Variants in TRAF3 observed in about 807,000 individuals in gnomAD.
The protein encoded by TRAF3 is TNF receptor-associated factor 3.
A neutral mutation model predicts 62.3 loss-of-function variants in TRAF3; 13 were observed. The ratio of observed to expected loss-of-function variants is 0.21; its 90% CI spans 0.14 to 0.33. TRAF3 has a LOEUF of 0.33. Ranked by LOEUF, TRAF3 falls within the 10% of genes least tolerant of loss-of-function variation. The probability of loss-of-function intolerance (pLI) is 1.00; values close to 1 mark genes in which losing one functional copy is unlikely to be tolerated. For synonymous variants in TRAF3, 269 were observed against 283.4 expected (o/e 0.95, Z 0.51); for missense variants, 440 against 741.8 (o/e 0.59, Z 4.73).
At chr14:102,872,748 A>G (rs896014510) in intron 4 of TRAF3, among the ~76,000 whole-genome samples, 11 of 151,778 alleles carry the variant, frequency 7.2e-5, no homozygotes, top group Non-Finnish European at 1.3e-4. Context: ...CTGGAGCACA[A>G]TGGCACGATC....
chr14:102,884,394 A>G (rs1175684337), intron 6 of TRAF3, among the ~76,000 whole-genome samples: 1 of 152,222 alleles, frequency 6.6e-6, no homozygotes. Context: ...GAGGTTCCAG[A>G]TAGACATGAA....
chr14:102,778,237 C>A (rs1057423422), intron 1 of TRAF3, among the ~76,000 whole-genome samples: 11 of 151,580 alleles, frequency 7.3e-5, no homozygotes, highest in Non-Finnish European at 1.3e-4. Flanking sequence ...CGCGCGGCCG[C>A]CGAGGGCCGG....
intron 1 of TRAF3, among the ~76,000 whole-genome samples, chr14:102,818,037 G>A (rs572933286): frequency 2.2e-4 from 34 of 152,306 alleles, no homozygotes; most frequent in Non-Finnish European, 4.3e-4. Context: ...GCAGTATGGC[G>A]AGCTCGAGAT....
chr14:102,834,719 C>T (rs112556509), intron 2 of TRAF3, among the ~76,000 whole-genome samples: 7,717 of 147,822 alleles, frequency 0.052, 323 homozygotes, highest in African/African-American at 0.11. Flanking sequence ...AAATTGGACC[C>T]CTTCCCTACA....
At chr14:102,858,487 G>A (rs1316987972) in intron 2 of TRAF3, among the ~76,000 whole-genome samples, 2 of 151,736 alleles carry the variant, frequency 1.3e-5, no homozygotes, top group Non-Finnish European at 2.9e-5. Flanking sequence ...AATCTCCAAA[G>A]TTATTAGAAA....
chr14:102,875,530 T>TG (rs1888594431), intron 4 of TRAF3, 94 bp from the exon 5 acceptor site: 1 of 1,059,950 alleles, frequency 9.4e-7, no homozygotes, highest in Non-Finnish European at 1.4e-6. Flanking sequence ...CCTCTCTTGT[T>TG]TTTTTTTTTT....
At chr14:102,813,586 G>A (rs1899333723) in intron 1 of TRAF3, among the ~76,000 whole-genome samples, 1 of 151,848 alleles carries the variant, frequency 6.6e-6, no homozygotes, top group African/African-American at 2.4e-5. Flanking sequence ...GAGTAGCTGG[G>A]ACTACAGGCG....
intron 2 of TRAF3, among the ~76,000 whole-genome samples, chr14:102,844,921 G>A (rs1487974220): frequency 6.6e-5 from 10 of 151,576 alleles, no homozygotes; most frequent in East Asian, 3.9e-4. Flanking sequence ...TTTTTGAGAC[G>A]GAGTCTCGCA....
rs987433307 is a variant in TRAF3, at chr14:102,910,158, G to A, written c.*4374G>A. The A allele has an allele frequency of 1.3e-5, 2 of 152,210 alleles. No individual in the cohort carries two copies. The highest frequency in any genetic ancestry group is 2.9e-5 in the Non-Finnish European group (2 of 68,046). The allele number at this position is 152,210 out of a possible 1,614,324, so 9.4% of individuals were successfully genotyped here. A position where few individuals can be genotyped will look rare whatever the true frequency, so the allele number is the denominator to read the frequency against. On this transcript the variant is annotated 3_prime_UTR_variant, in exon 12 of 12. Coordinates refer to ENST00000392745, the MANE Select transcript of TRAF3 (RefSeq NM_145725.3). Reference sequence around the variant, plus strand: ...TTGGGCGGGTGCAGACTCCCCTTGCGGGCCCCTTGCTCAATCCCCGGCCCT... The same window carrying A: ...TTGGGCGGGTGCAGACTCCCCTTGCAGGCCCCTTGCTCAATCCCCGGCCCT...
chr14:102,900,179 G>GAAAAAAAAAAAAAAAA (rs1566807952), intron 10 of TRAF3, among the ~76,000 whole-genome samples: 1 of 83,746 alleles, frequency 1.2e-5, no homozygotes, highest in African/African-American at 5.2e-5. Context: ...ACTCCGTCTC[G>GAAAAAAAAAAAAAAAA]GAAAAAAAAA....
intron 2 of TRAF3, 74 bp downstream of exon 2, chr14:102,830,546 G>A (rs190562754): frequency 2.2e-3 from 332 of 152,280 alleles, no homozygotes; most frequent in African/African-American, 7.3e-3. Context: ...AATAACAACA[G>A]GCATCTAATT....
chr14:102,861,722 C>T lies in TRAF3; in HGVS notation c.-17-8463C>T, dbSNP rs140286674. On this transcript the variant is annotated intron_variant, in intron 2 of 11. Transcript: ENST00000392745. ...TCAGGGTGAGTCTATAAAGTGAAAG[C>T]AAGTTTATTATAGAAGTAAATAAAA... Among the ~76,000 whole-genome samples the T allele has an allele frequency of 1.9e-3, 283 of 152,230 alleles. 1 individual carries two copies. Among genetic ancestry groups the T allele is most frequent in the Non-Finnish European group, 2.0e-3 (133 of 68,014 alleles).
intron 1 of TRAF3, among the ~76,000 whole-genome samples, chr14:102,797,739 C>CCCT: frequency 7.0e-6 from 1 of 142,278 alleles, no homozygotes; most frequent in East Asian, 2.0e-4. Flanking sequence ...CTTTTTCTTT[C>CCCT]TTTTTTTTTT....
chr14:102,827,014 C>T (rs978989507), intron 1 of TRAF3, among the ~76,000 whole-genome samples: 4 of 152,158 alleles, frequency 2.6e-5, no homozygotes, highest in Admixed American at 6.5e-5. Flanking sequence ...GAGGGAGGGA[C>T]GGGCTCCGGC....
intron 2 of TRAF3, among the ~76,000 whole-genome samples, chr14:102,869,246 A>G (rs568553171): frequency 8.5e-5 from 13 of 152,312 alleles, no homozygotes; most frequent in African/African-American, 3.1e-4. Flanking sequence ...GTGAATGTCA[A>G]AACTGAGCAC....
rs1900341145 is a variant in TRAF3 at position 102,826,824 on chromosome 14, C to G, written c.-156-3510C>G. On this transcript the variant is annotated intron_variant, in intron 1 of 11. Transcript: ENST00000392745. The surrounding 1 kb of genome is among the most constrained non-coding windows in gnomAD (Gnocchi z 4.6). ...CAGGGGTGCCAGGGCTGCCAAAGGA[C>G]AGCTGTTACTTATGGGTGGCGGCGT... Among the ~76,000 whole-genome samples, 2 of 152,192 alleles carry G rather than the reference C, an allele frequency of 1.3e-5. No individual in the cohort carries two copies. The highest frequency in any genetic ancestry group is 4.1e-4 in the South Asian group (2 of 4,830).
chr14:102,861,699 A>G (rs1000039420), intron 2 of TRAF3, among the ~76,000 whole-genome samples: 15 of 152,368 alleles, frequency 9.8e-5, no homozygotes, highest in African/African-American at 3.4e-4. Flanking sequence ...GAAAGAATTC[A>G]GGGTGAGTCT....
At chr14:102,896,756 A>G (rs1400389711) in intron 9 of TRAF3, among the ~76,000 whole-genome samples, 1 of 152,242 alleles carries the variant, frequency 6.6e-6, no homozygotes, top group Non-Finnish European at 1.5e-5. Context: ...AACACTGTTT[A>G]TAGCATTCCC....
intron 6 of TRAF3, among the ~76,000 whole-genome samples, chr14:102,882,680 C>T (rs557858231): frequency 6.6e-6 from 1 of 150,912 alleles, no homozygotes; most frequent in East Asian, 2.0e-4. Flanking sequence ...CCAGGTCATT[C>T]TAATTCTCCT....
Sources: allele counts gnomAD v4.1 joint callset (sites outside exome capture counted in the v4.1 genomes callset), GRCh38; gene constraint gnomAD v4.1.1; non-coding constraint Gnocchi (gnomAD v3.1); transcripts MANE v1.5; gene names NCBI Gene and HGNC (gene_info 2026-07-23, HGNC 2026-07-21).